Variants in FAF1 observed in about 807,000 individuals in gnomAD.
The protein encoded by FAF1 is Fas associated factor 1, also known as FAS-associated factor 1.
A neutral mutation model predicts 92.5 loss-of-function variants in FAF1; 25 were observed. The observed-to-expected ratio is 0.27, with a 90% CI of 0.20 to 0.38. FAF1 has a LOEUF of 0.38. FAF1 is among the 10% of genes least tolerant of loss of function. FAF1 has a pLI of 1.00. For missense variants in FAF1, 636 were observed against 793.3 expected (o/e 0.80, Z 2.38); for synonymous variants, 234 against 273.2 (o/e 0.86, Z 1.42).
chr1:50,640,903 G>A lies in FAF1; in HGVS notation c.744+14539C>T, dbSNP rs533799233. On this transcript the variant is annotated intron_variant, in intron 8 of 18. Coordinates refer to ENST00000396153, the MANE Select transcript of FAF1 (RefSeq NM_007051.3). ...GGCTGGAGTGCAGTGGCACCATCTC[G>A]GCTCACTGCAACCTCTGCCTCTGGG... is the stretch of plus-strand genomic sequence containing the variant. Among the ~76,000 whole-genome samples, 12 of 131,496 alleles carry A rather than the reference G, an allele frequency of 9.1e-5. No homozygotes were observed. The East Asian group carries it at 9.9e-4, about 11-fold the overall frequency. The allele number at this position is 131,496 out of a possible 152,430, so 86.3% of individuals were successfully genotyped here.
intron 6 of FAF1, among the ~76,000 whole-genome samples, chr1:50,730,840 C>T (rs1459394019): frequency 6.6e-6 from 1 of 152,228 alleles, no homozygotes. Flanking sequence ...CTAGTTGCTA[C>T]ACGCTTTTCA....
intron 7 of FAF1, among the ~76,000 whole-genome samples, chr1:50,700,814 C>T (rs938282578): frequency 1.3e-5 from 2 of 151,728 alleles, no homozygotes; most frequent in African/African-American, 4.8e-5. Flanking sequence ...TTATATGGGC[C>T]AAAAAAGATA....
In FAF1 at chr1:50,910,562, T is replaced by C. The variant is rs567697652; in HGVS notation, c.45+49205A>G. 7.9e-5 allele frequency among the ~76,000 whole-genome samples: 12 copies of C among 152,282 alleles called. No homozygotes were observed. In the South Asian group the frequency reaches 2.5e-3, roughly 32 times the overall value. On this transcript the variant is annotated intron_variant, in intron 1 of 18. Transcript: ENST00000396153. ...GTTCGAGCTTCCGGGCCACTTTGTT[T>C]ACCTACTCAAGCCTCAGCAATGGCG...
At chr1:50,576,550 G>T (rs1251785410) in intron 12 of FAF1, among the ~76,000 whole-genome samples, 2 of 152,066 alleles carry the variant, frequency 1.3e-5, no homozygotes, top group African/African-American at 2.4e-5. Context: ...GGTACTTTTG[G>T]TGGTGTAGAA....
chr1:50,495,270 C>A (rs12077037), intron 15 of FAF1, among the ~76,000 whole-genome samples: 1 of 152,170 alleles, frequency 6.6e-6, no homozygotes, highest in Non-Finnish European at 1.5e-5. Context: ...ACTGCCCTCC[C>A]TAGCCTCTGG....
intron 2 of FAF1, among the ~76,000 whole-genome samples, chr1:50,807,116 T>C (rs1292161810): frequency 6.6e-6 from 1 of 152,258 alleles, no homozygotes; most frequent in African/African-American, 2.4e-5. Flanking sequence ...CAAGAGAATG[T>C]TGAAACCCAA....
chr1:50,710,091 A>G lies in FAF1; in HGVS notation c.552-4200T>C, dbSNP rs530218792. Among the ~76,000 whole-genome samples, 271 of 152,334 alleles carry G rather than the reference A, an allele frequency of 1.8e-3. 1 individual carries two copies. The highest frequency in any genetic ancestry group is 3.4e-3 in the Middle Eastern group (1 of 294). On this transcript the variant is annotated intron_variant, in intron 6 of 18. Coordinates refer to ENST00000396153, the MANE Select transcript of FAF1 (RefSeq NM_007051.3). ...TCCATTATGGAGGGCTTCAAATGCT[A>G]GGCTGAGGAGCTCGGAGTTCCAGAA...
intron 8 of FAF1, among the ~76,000 whole-genome samples, chr1:50,631,488 T>C (rs138167403): frequency 3.3e-5 from 5 of 152,264 alleles, no homozygotes; most frequent in African/African-American, 1.2e-4. Context: ...GTTACCCTTA[T>C]TTTACTTAAT....
At chr1:50,549,561 C>T (rs571234605) in intron 13 of FAF1, among the ~76,000 whole-genome samples, 2 of 152,088 alleles carry the variant, frequency 1.3e-5, no homozygotes, top group South Asian at 4.2e-4. Flanking sequence ...GGGCGGACCA[C>T]GAGGTCAGTT....
At chr1:50,683,750 C>G (rs9633419) in intron 7 of FAF1, among the ~76,000 whole-genome samples, 1 of 151,776 alleles carries the variant, frequency 6.6e-6, no homozygotes, top group South Asian at 2.1e-4. Flanking sequence ...CTGACCAACA[C>G]GGAGAAACCC....
intron 8 of FAF1, among the ~76,000 whole-genome samples, chr1:50,637,288 A>T (rs1045962293): frequency 6.6e-6 from 1 of 150,682 alleles, no homozygotes; most frequent in Admixed American, 6.6e-5. Flanking sequence ...AAAAAAAAAA[A>T]AAAAAAATAC....
chr1:50,740,698 G>A (rs1659347679), intron 5 of FAF1, among the ~76,000 whole-genome samples: 1 of 151,794 alleles, frequency 6.6e-6, no homozygotes, highest in Non-Finnish European at 1.5e-5. Context: ...TCCATAGTTT[G>A]AAAAAAACAT....
chr1:50,739,522 A>G (rs769740494), intron 5 of FAF1, among the ~76,000 whole-genome samples: 3 of 152,198 alleles, frequency 2.0e-5, no homozygotes, highest in Non-Finnish European at 2.9e-5. Flanking sequence ...CTCATGAAGC[A>G]ACACAAACAG....
At chr1:50,618,826 G>A (rs2124168570) in intron 8 of FAF1, among the ~76,000 whole-genome samples, 1 of 150,130 alleles carries the variant, frequency 6.7e-6, no homozygotes, top group East Asian at 2.0e-4. Flanking sequence ...TCAGCTCACT[G>A]CAGCATCTGC....
At chr1:50,707,030 C>T (rs755738037) in intron 6 of FAF1, among the ~76,000 whole-genome samples, 1 of 151,980 alleles carries the variant, frequency 6.6e-6, no homozygotes, top group East Asian at 1.9e-4. Context: ...GGTAAAACCC[C>T]GTCTCTACTA....
At chr1:50,929,650 T>C (rs979936508) in intron 1 of FAF1, among the ~76,000 whole-genome samples, 2 of 152,158 alleles carry the variant, frequency 1.3e-5, no homozygotes, top group Admixed American at 1.3e-4. Flanking sequence ...CAGGAAATAA[T>C]AAAACTGCCA....
intron 1 of FAF1, among the ~76,000 whole-genome samples, chr1:50,922,777 C>T (rs1405764152): frequency 6.8e-6 from 1 of 146,016 alleles, no homozygotes; most frequent in African/African-American, 2.6e-5. Context: ...CAAGATCACG[C>T]CATTGCACTC....
chr1:50,855,464 C>T (rs1644383267), intron 2 of FAF1, among the ~76,000 whole-genome samples: 1 of 151,756 alleles, frequency 6.6e-6, no homozygotes. Flanking sequence ...ATATAAAATA[C>T]AGACATATCC....
At chr1:50,867,452 T>C (rs571417958) in intron 1 of FAF1, among the ~76,000 whole-genome samples, 23 of 152,012 alleles carry the variant, frequency 1.5e-4, no homozygotes, top group African/African-American at 5.3e-4. Context: ...AAAGAACTAA[T>C]ATCTGGAATC....
Sources: gnomAD v4.1 joint callset for allele counts (sites outside exome capture counted in the v4.1 genomes callset) on GRCh38, gnomAD v4.1.1 for gene constraint, MANE v1.5 for transcripts, NCBI Gene and HGNC (gene_info 2026-07-23, HGNC 2026-07-21) for gene names.